The following DYRK1B variants were observed in gnomAD, a reference collection of about 807,000 sequenced individuals.
DYRK1B encodes dual specificity tyrosine phosphorylation regulated kinase 1B, also known as dual specificity tyrosine-phosphorylation-regulated kinase 1B.
A neutral mutation model predicts 57.1 loss-of-function variants in DYRK1B; 20 were observed. The ratio of observed to expected loss-of-function variants is 0.35; its 90% CI spans 0.25 to 0.51. The LOEUF (loss-of-function observed/expected upper bound fraction) is 0.51. DYRK1B is among the 20% of genes least tolerant of loss of function. The probability of loss-of-function intolerance (pLI) is 0.96; values close to 1 mark genes in which losing one functional copy is unlikely to be tolerated. For missense variants in DYRK1B, 732 were observed against 886.3 expected (o/e 0.83, Z 2.21); for synonymous variants, 409 against 384.7 (o/e 1.06, Z -0.74).
intron 1 of DYRK1B, 95 bp downstream of exon 1, chr19:39,833,928 T>TCGTGCTAAGTCTCA (rs1968954527): frequency 6.6e-6 from 1 of 152,378 alleles, no homozygotes; most frequent in African/African-American, 2.4e-5. Flanking sequence ...TCCCTTGGCC[T>TCGTGCTAAGTCTCA]CGTGCTAAGT....
At position 39,826,782 on chromosome 19, in the gene DYRK1B, G is replaced by A. The variant is rs749209600; in HGVS notation, c.1301C>T (p.Thr434Met). 4.0e-5 allele frequency: 63 copies of A among 1,559,522 alleles called. No homozygotes were observed. The highest frequency in any genetic ancestry group is 1.7e-4 in the Middle Eastern group (1 of 5,888). Residue 434 changes from threonine to methionine, a missense_variant, in exon 9 of 11, where the codon ACG becomes ATG. This residue lies in a region of DYRK1B where 510 missense variants were observed against 681.3 expected (regional missense o/e 0.75). Transcript: ENST00000323039. This position sits in a 1 kb window ranked among gnomAD's most constrained non-coding sequence, Gnocchi z 6.3. ...GALQHGFFRR[T>M]ADEATNTGPA... ...GCCCGTGTTGGTGGCCTCGTCGGCC[G>A]TGCGGCGGAAGAAGCCGTGCTGCAG...
At chr19:39,833,809 C>G (rs985646388) in intron 1 of DYRK1B, among the ~76,000 whole-genome samples, 10 of 152,146 alleles carry the variant, frequency 6.6e-5, no homozygotes, top group Admixed American at 5.2e-4. Flanking sequence ...CCGGCTACCC[C>G]CTCCCAGCCT....
chr19:39,831,146 C>T (rs190935383), intron 2 of DYRK1B, among the ~76,000 whole-genome samples: 1 of 152,262 alleles, frequency 6.6e-6, no homozygotes, highest in Non-Finnish European at 1.5e-5. Context: ...TTTGGGTACC[C>T]TCTGAAGTAC....
chr19:39,833,699 G>T (rs977690321), intron 1 of DYRK1B: 1 of 152,256 alleles, frequency 6.6e-6, no homozygotes, highest in African/African-American at 2.4e-5. Context: ...ATTGGTCGCT[G>T]GTGCCAAGAG....
At position 39,831,950 on chromosome 19, in the gene DYRK1B, C is replaced by G. The variant is rs1968837473; in HGVS notation, c.-83G>C. 3 of 1,430,406 alleles carry G rather than the reference C, an allele frequency of 2.1e-6. No homozygotes were observed. The highest frequency in any genetic ancestry group is 2.7e-6 in the Non-Finnish European group (3 of 1,092,612). 88.6% of individuals were successfully genotyped at this position (1,430,406 alleles called of 1,614,324 possible). ...CGCCTTCTTGCATCCTGCACCTCGG[C>G]TGCCACCGCCGCTGAGACCTGAGAG... On this transcript the variant is annotated 5_prime_UTR_variant, in exon 2 of 11. Coordinates refer to ENST00000323039, the MANE Select transcript of DYRK1B (RefSeq NM_004714.3).
intron 6 of DYRK1B, among the ~76,000 whole-genome samples, chr19:39,827,980 A>G (rs900809645): frequency 2.6e-5 from 4 of 152,120 alleles, no homozygotes; most frequent in African/African-American, 9.7e-5. Context: ...ACAGAGCTGC[A>G]AAGTTGAAGC....
intron 1 of DYRK1B, chr19:39,832,848 C>T (rs1968883051): frequency 2.1e-6 from 2 of 936,342 alleles, no homozygotes; most frequent in Non-Finnish European, 2.5e-6. Flanking sequence ...AAGGCCCACT[C>T]CTCCTGATGG....
At position 39,828,648 on chromosome 19, in the gene DYRK1B, G is replaced by A; in HGVS notation, c.521-65C>T. Reference sequence around the variant, plus strand: ...CTCAGAGAGGGCAGGTGGTGGCCTGGGGTCATACAACGCTCTTTGATTACT... The same window carrying A: ...CTCAGAGAGGGCAGGTGGTGGCCTGAGGTCATACAACGCTCTTTGATTACT... On this transcript the variant is annotated intron_variant, in intron 5 of 10. Coordinates refer to ENST00000323039, the MANE Select transcript of DYRK1B (RefSeq NM_004714.3). This position sits in a 1 kb window ranked among gnomAD's most constrained non-coding sequence, Gnocchi z 4.3. The A allele has an allele frequency of 6.6e-7, 1 of 1,513,238 alleles. No individual in the cohort carries two copies. Among genetic ancestry groups the A allele is most frequent in the Non-Finnish European group, 9.0e-7 (1 of 1,114,798 alleles). The allele number at this position is 1,513,238 out of a possible 1,614,324, so 93.7% of individuals were successfully genotyped here.
At chr19:39,833,476 G>C (rs934319790) in intron 1 of DYRK1B, 79 of 419,450 alleles carry the variant, frequency 1.9e-4, no homozygotes, top group Non-Finnish European at 2.4e-4. Flanking sequence ...GGGGCGGGGA[G>C]AGGAGGGGAC....
At position 39,828,392 on chromosome 19, in the gene DYRK1B, A is replaced by C; in HGVS notation, c.712T>G (p.Cys238Gly). 1.2e-6 allele frequency: 2 copies of C among 1,614,114 alleles called. No homozygotes were observed. The highest frequency in any genetic ancestry group is 1.7e-6 in the Non-Finnish European group (2 of 1,180,008). ...AAGATGTTTTCGGGCTTGAGGTCGCAGTGAATGATGCTGAGCTCAGGCGTG... is the reference window on the plus strand; with the variant it reads ...AAGATGTTTTCGGGCTTGAGGTCGCCGTGAATGATGCTGAGCTCAGGCGTG... ...LATPELSIIH[C>G]DLKPENILLC... The change falls in exon 6 of 11, where the codon TGC becomes GGC. Residue 238 changes from cysteine to glycine, a missense_variant. Cys to Gly is a radical substitution (Grantham distance 159). Around this residue, in one of 2 missense-constraint regions of DYRK1B, gnomAD observed 510 missense variants for 681.3 expected, o/e 0.75. Coordinates refer to ENST00000323039, the MANE Select transcript of DYRK1B (RefSeq NM_004714.3). The surrounding 1 kb of genome is among the most constrained non-coding windows in gnomAD (Gnocchi z 4.3).
At chr19:39,832,789 T>G (rs773043658) in intron 1 of DYRK1B, among the ~76,000 whole-genome samples, 26 of 152,030 alleles carry the variant, frequency 1.7e-4, no homozygotes, top group Non-Finnish European at 3.2e-4. Flanking sequence ...CAATTCCCCC[T>G]ACCACAACAG....
Position 39,833,248 on chromosome 19 carries a change from C to T in DYRK1B, c.-102+775G>A, listed in dbSNP as rs1230248998. ...GCCCTCCCACACCAGGATCATCTCT[C>T]CCAGCCCCCACCCCCTACCCGGGTC... is the stretch of plus-strand genomic sequence containing the variant. On this transcript the variant is annotated intron_variant, in intron 1 of 10. Transcript: ENST00000323039. 5 of 985,488 alleles carry T rather than the reference C, an allele frequency of 5.1e-6. No individual in the cohort carries two copies. The Admixed American group carries it at 2.5e-4, about 48-fold the overall frequency. The allele number at this position is 985,488 out of a possible 1,614,324, so 61.0% of individuals were successfully genotyped here.
intron 1 of DYRK1B, chr19:39,833,276 G>A (rs1490984637): frequency 1.0e-6 from 1 of 985,312 alleles, no homozygotes; most frequent in African/African-American, 1.7e-5. Flanking sequence ...CCCGGGTCAG[G>A]GCTGGCGCGG....
Position 39,828,521 on chromosome 19 carries a change from A to T in DYRK1B, c.583T>A (p.Tyr195Asn), listed in dbSNP as rs1968647668. 6.2e-7 allele frequency: 1 copy of T among 1,613,390 alleles called. No homozygotes were observed. The highest frequency in any genetic ancestry group is 1.7e-5 in the Admixed American group (1 of 59,926). ...HLCLVFELLS[Y>N]NLYDLLRNTH... Reference sequence around the variant, plus strand: ...TTGCGCAGGAGGTCGTACAGGTTGTAGGACAGCAGCTCAAATACCAGGCAC... The same window carrying T: ...TTGCGCAGGAGGTCGTACAGGTTGTTGGACAGCAGCTCAAATACCAGGCAC... Residue 195 changes from tyrosine (Y) to asparagine (N), a missense_variant, in exon 6 of 11, where the codon TAC becomes AAC. By Grantham distance (143) the Tyr-to-Asn change is moderately radical. Around this residue, in one of 2 missense-constraint regions of DYRK1B, gnomAD observed 510 missense variants for 681.3 expected, o/e 0.75. Coordinates refer to ENST00000323039, the MANE Select transcript of DYRK1B (RefSeq NM_004714.3). This position sits in a 1 kb window ranked among gnomAD's most constrained non-coding sequence, Gnocchi z 4.3.
In DYRK1B at chr19:39,825,379, CGAG is replaced by C. The variant is rs1968476771; in HGVS notation, c.*333_*335del. On this transcript the variant is annotated 3_prime_UTR_variant, in exon 11 of 11. Transcript: ENST00000323039. ...AGAAAGCTCTTTACTGGGGGTACAG[CGAG>C]GAGGAGCAAGGCCATCTCCCCCTAC... The C allele has an allele frequency of 7.0e-6, 2 of 284,108 alleles. No homozygotes were observed. Among genetic ancestry groups the C allele is most frequent in the Admixed American group, 4.8e-5 (1 of 20,946 alleles). The allele number at this position is 284,108 out of a possible 1,614,324, so 17.6% of individuals were successfully genotyped here. A position where few individuals can be genotyped will look rare whatever the true frequency, so the allele number is the denominator to read the frequency against.
At chr19:39,832,193 G>A (rs1480701236) in intron 1 of DYRK1B, among the ~76,000 whole-genome samples, 4 of 152,066 alleles carry the variant, frequency 2.6e-5, no homozygotes, top group African/African-American at 4.8e-5. Context: ...AAATGATTAA[G>A]GCAGCACAAA....
rs1009184227 is a variant in DYRK1B, at chr19:39,830,782, A to G, written c.65T>C (p.Val22Ala). 1.2e-6 allele frequency: 2 copies of G among 1,611,918 alleles called. No individual in the cohort carries two copies. Among genetic ancestry groups the G allele is most frequent in the Non-Finnish European group, 1.7e-6 (2 of 1,178,954 alleles). Residue 22 changes from valine to alanine, a missense_variant and splice_region_variant, in exon 3 of 11, where the codon GTA becomes GCA. Around this residue, in one of 2 missense-constraint regions of DYRK1B, gnomAD observed 510 missense variants for 681.3 expected, o/e 0.75. Transcript: ENST00000323039. ...AGGCAGTAGCCGCACATCAGGCAATACCTGCAGGGCAGGGTGAGGGGTGGG... is the reference window on the plus strand; with the variant it reads ...AGGCAGTAGCCGCACATCAGGCAATGCCTGCAGGGCAGGGTGAGGGGTGGG... Reference protein sequence around the residue: ...GFPGPQEHTQVLPDVRLLPRR... With the variant: ...GFPGPQEHTQALPDVRLLPRR...
Position 39,825,960 on chromosome 19 carries a change from G to A in DYRK1B, c.1645C>T (p.Leu549Phe). 1 of 1,530,228 alleles carries A rather than the reference G, an allele frequency of 6.5e-7. No homozygotes were observed. Among genetic ancestry groups the A allele is most frequent in the Non-Finnish European group, 8.8e-7 (1 of 1,141,854 alleles). 94.8% of individuals were successfully genotyped at this position (1,530,228 alleles called of 1,614,324 possible). A position where few individuals can be genotyped will look rare whatever the true frequency, so the allele number is the denominator to read the frequency against. Residue 549 changes from leucine (L) to phenylalanine (F), a missense_variant, in exon 11 of 11, where the codon CTT (leucine) becomes TTT (phenylalanine). This residue lies in a region of DYRK1B where 222 missense variants were observed against 205.0 expected (regional missense o/e 1.08). Coordinates refer to ENST00000323039, the MANE Select transcript of DYRK1B (RefSeq NM_004714.3). ...GAGGTTGGTGATGGGGGACGACCAA[G>A]GTATCGGGGCTGGGGGGGTAACTGG... ...GAQLPPQPRY[L>F]GRPPSPTSPP...
At chr19:39,830,902 C>A in intron 2 of DYRK1B, 119 bp from the exon 3 acceptor site, 19 of 1,264,246 alleles carry the variant, frequency 1.5e-5, no homozygotes, top group Non-Finnish European at 2.0e-5. Context: ...ATTTGTTCCA[C>A]CTGTCTAGGA....
Sources: allele counts gnomAD v4.1 joint callset (sites outside exome capture counted in the v4.1 genomes callset), GRCh38; gene constraint gnomAD v4.1.1; regional missense constraint gnomAD v4.1.1; non-coding constraint Gnocchi (gnomAD v3.1); transcripts MANE v1.5; gene names NCBI Gene and HGNC (gene_info 2026-07-23, HGNC 2026-07-21).